The following SRGAP3 variants were observed in gnomAD, a reference collection of about 807,000 sequenced individuals.
SRGAP3 encodes the protein SLIT-ROBO Rho GTPase activating protein 3.
In SRGAP3, 39 loss-of-function variants were observed where a neutral mutation model predicts 121.1. That is an observed-to-expected ratio of 0.32 (90% CI 0.25 to 0.42). The LOEUF (loss-of-function observed/expected upper bound fraction) is 0.42. Ranked by LOEUF, SRGAP3 falls within the 10% of genes least tolerant of loss-of-function variation. The pLI, the probability that SRGAP3 is intolerant of heterozygous loss-of-function variation, is 1.00. For missense variants in SRGAP3, 1,213 were observed against 1,470.6 expected, an observed-to-expected ratio of 0.82 and a Z score of 2.86; for synonymous variants, 601 against 570.0, an observed-to-expected ratio of 1.05 and a Z score of -0.77.
intron 4 of SRGAP3, among the ~76,000 whole-genome samples, chr3:9,074,164 G>A (rs1946850945): frequency 6.6e-6 from 1 of 152,190 alleles, no homozygotes; most frequent in Non-Finnish European, 1.5e-5. Flanking sequence ...ACGTTTTCCA[G>A]CGAAACATTC....
At chr3:9,022,087 C>T (rs1306262564) in intron 14 of SRGAP3, among the ~76,000 whole-genome samples, 4 of 152,138 alleles carry the variant, frequency 2.6e-5, no homozygotes, top group Admixed American at 2.0e-4. Flanking sequence ...CCAGCACTTT[C>T]GGAGGCTGAG....
intron 1 of SRGAP3, among the ~76,000 whole-genome samples, chr3:9,169,937 T>C (rs1950917379): frequency 6.6e-6 from 1 of 152,150 alleles, no homozygotes; most frequent in Non-Finnish European, 1.5e-5. Context: ...TTTCCTCTCC[T>C]GTAAAATGAA....
At chr3:9,317,286 A>T (rs182897589) in intron 3 of SRGAP3, among the ~76,000 whole-genome samples, 7 of 152,334 alleles carry the variant, frequency 4.6e-5, no homozygotes, top group African/African-American at 1.7e-4. Flanking sequence ...GAAACAGGGA[A>T]ATATTTCGGC....
intron 2 of SRGAP3, among the ~76,000 whole-genome samples, chr3:9,110,637 G>A (rs1199226956): frequency 1.3e-5 from 2 of 152,254 alleles, no homozygotes. Context: ...CCTGCCGTCC[G>A]ATCAGCGGCC....
At chr3:9,123,282 T>C (rs970676974) in intron 2 of SRGAP3, among the ~76,000 whole-genome samples, 2 of 152,232 alleles carry the variant, frequency 1.3e-5, no homozygotes, top group South Asian at 2.1e-4. Flanking sequence ...TTGCATAACA[T>C]TGTGAATGTG....
At chr3:9,190,890 T>G (rs986583265) in intron 1 of SRGAP3, among the ~76,000 whole-genome samples, 1 of 152,146 alleles carries the variant, frequency 6.6e-6, no homozygotes, top group African/African-American at 2.4e-5. Flanking sequence ...TGCCTTGAGC[T>G]CAGCCAGTCA....
chr3:9,056,452 G>A (rs538056272), intron 7 of SRGAP3, 118 bp from the exon 8 acceptor site: 1 of 1,080,438 alleles, frequency 9.3e-7, no homozygotes, highest in Non-Finnish European at 1.4e-6. Context: ...GGCTCGGAAA[G>A]GTTGAGTGAC....
At chr3:9,014,325 T>G in intron 15 of SRGAP3, 1 of 202,918 alleles carries the variant, frequency 4.9e-6, no homozygotes, top group Non-Finnish European at 1.0e-5. Flanking sequence ...CTGTTACTTA[T>G]GAGTCCTGAC....
chr3:9,067,351 C>CTT (rs1396270001), intron 4 of SRGAP3, among the ~76,000 whole-genome samples: 4 of 152,066 alleles, frequency 2.6e-5, no homozygotes, highest in Admixed American at 2.6e-4. Context: ...ATGCAGTCAA[C>CTT]TTTTCTTCAT....
At chr3:9,353,699 T>C (rs570008803) in intron 1 of SRGAP3, among the ~76,000 whole-genome samples, 48 of 152,346 alleles carry the variant, frequency 3.2e-4, no homozygotes, top group Admixed American at 2.4e-3. Context: ...ACAAAGGTCC[T>C]TCGGGTTAAA....
intron 1 of SRGAP3, among the ~76,000 whole-genome samples, chr3:9,146,077 T>C (rs1387398225): frequency 2.6e-5 from 4 of 152,202 alleles, no homozygotes; most frequent in African/African-American, 4.8e-5. Context: ...GGTGGCAGCA[T>C]AGAGGCAAGT....
At position 9,078,161 on chromosome 3, in the gene SRGAP3, A is replaced by G. The variant is rs571893571; in HGVS notation, c.486+1864T>C. Reference sequence around the variant, plus strand: ...GTATAGACAGCAGGGATTGCAGGGAAAAAGCAGCAGAGGGGGAAGGTATTT... The same window carrying G: ...GTATAGACAGCAGGGATTGCAGGGAGAAAGCAGCAGAGGGGGAAGGTATTT... On this transcript the variant is annotated intron_variant, in intron 4 of 21. Transcript: ENST00000383836. 3.3e-5 allele frequency among the ~76,000 whole-genome samples: 5 copies of G among 152,306 alleles called. No homozygotes were observed. The East Asian group carries it at 9.6e-4, about 29-fold the overall frequency.
In SRGAP3 at chr3:9,354,496, G is replaced by A. The variant is rs941325243; in HGVS notation, n.214+8344C>T. Among the ~76,000 whole-genome samples the A allele has an allele frequency of 1.9e-4, 29 of 151,952 alleles. 1 individual carries two copies. Among genetic ancestry groups the A allele is most frequent in the Admixed American group, 4.6e-4 (7 of 15,242 alleles). On this transcript the variant is annotated intron_variant and non_coding_transcript_variant, in intron 1 of 3. Coordinates refer to the SRGAP3 transcript ENST00000490889. Reference sequence around the variant, plus strand: ...AGATCGAAACCATCCTGGCTAACACGGTGAAACCCGGTCTCTACTAAAAAA... The same window carrying A: ...AGATCGAAACCATCCTGGCTAACACAGTGAAACCCGGTCTCTACTAAAAAA...
chr3:9,098,852 A>C (rs183347161), intron 3 of SRGAP3, among the ~76,000 whole-genome samples: 2 of 152,330 alleles, frequency 1.3e-5, no homozygotes, highest in East Asian at 3.9e-4. Context: ...GGAGTGCCTG[A>C]TGATGACCGG....
intron 1 of SRGAP3, among the ~76,000 whole-genome samples, chr3:9,205,115 G>A (rs762741093): frequency 3.3e-5 from 5 of 152,164 alleles, no homozygotes; most frequent in East Asian, 1.9e-4. Context: ...ATTATGATTC[G>A]AAAATGCGCA....
At position 8,981,787 on chromosome 3, in the gene SRGAP3, G is replaced by A. The variant is rs563235190; in HGVS notation, c.*3732C>T. ...ATTTCCCTGTGTCTCTTCCCACTCCGATTTCTTCATTGAATAGAAACCTTT... is the reference window on the plus strand; with the variant it reads ...ATTTCCCTGTGTCTCTTCCCACTCCAATTTCTTCATTGAATAGAAACCTTT... On this transcript the variant is annotated 3_prime_UTR_variant, in exon 22 of 22. Coordinates refer to ENST00000383836, the MANE Select transcript of SRGAP3 (RefSeq NM_014850.4). The A allele has an allele frequency of 3.1e-5, 7 of 229,352 alleles. No homozygotes were observed. The highest frequency in any genetic ancestry group is 1.9e-4 in the East Asian group (3 of 16,062). 14.2% of individuals were successfully genotyped at this position (229,352 alleles called of 1,614,324 possible).
intron 12 of SRGAP3, among the ~76,000 whole-genome samples, chr3:9,031,027 G>A (rs1165514394): frequency 6.6e-6 from 1 of 152,040 alleles, no homozygotes; most frequent in African/African-American, 2.4e-5. Flanking sequence ...GTAGATCACT[G>A]CAGCCTTGAT....
intron 18 of SRGAP3, among the ~76,000 whole-genome samples, chr3:9,003,984 A>G (rs1216698372): frequency 6.6e-6 from 1 of 152,214 alleles, no homozygotes; most frequent in African/African-American, 2.4e-5. Context: ...AATCTTATAT[A>G]TTAAAAAAAT....
At chr3:8,999,739 C>G (rs1333404299) in intron 18 of SRGAP3, among the ~76,000 whole-genome samples, 1 of 152,148 alleles carries the variant, frequency 6.6e-6, no homozygotes, top group African/African-American at 2.4e-5. Flanking sequence ...CACTCATGAC[C>G]TTGGGTTCTT....
Sources: allele counts gnomAD v4.1 joint callset (sites outside exome capture counted in the v4.1 genomes callset), GRCh38; gene constraint gnomAD v4.1.1; transcripts MANE v1.5; gene names NCBI Gene and HGNC (gene_info 2026-07-23, HGNC 2026-07-21).